The following JAKMIP2 variants were observed in gnomAD, a reference collection of about 807,000 sequenced individuals.
JAKMIP2 encodes janus kinase and microtubule interacting protein 2.
In JAKMIP2, 25 loss-of-function variants were observed where a neutral mutation model predicts 115.0. The ratio of observed to expected loss-of-function variants is 0.22; its 90% CI spans 0.16 to 0.30. The LOEUF is 0.30. JAKMIP2 is among the 10% of genes least tolerant of loss of function. The probability of loss-of-function intolerance (pLI) is 1.00; values close to 1 mark genes in which losing one functional copy is unlikely to be tolerated. For synonymous variants in JAKMIP2, 334 were observed against 343.6 expected (o/e 0.97, Z 0.31); for missense variants, 642 against 957.6 (o/e 0.67, Z 4.35).
At chr5:147,740,137 C>G (rs1754090370) in intron 1 of JAKMIP2, among the ~76,000 whole-genome samples, 1 of 152,234 alleles carries the variant, frequency 6.6e-6, no homozygotes, top group Non-Finnish European at 1.5e-5. Flanking sequence ...AGTCACACTT[C>G]TAACCTGCCA....
chr5:147,690,857 C>A, intron 1 of JAKMIP2, among the ~76,000 whole-genome samples: 1 of 151,990 alleles, frequency 6.6e-6, no homozygotes, highest in Non-Finnish European at 1.5e-5. Flanking sequence ...AAATTATATA[C>A]CTGGATCTGT....
At chr5:147,751,158 G>A (rs1211386997) in intron 1 of JAKMIP2, among the ~76,000 whole-genome samples, 3 of 151,060 alleles carry the variant, frequency 2.0e-5, no homozygotes, top group Admixed American at 1.3e-4. Context: ...TACAAGCTCC[G>A]CCTACCGGAT....
In JAKMIP2 at chr5:147,652,312, T is replaced by A. The variant is rs537464974; in HGVS notation, c.628-1765A>T. On this transcript the variant is annotated intron_variant, in intron 3 of 21. Coordinates refer to ENST00000616793, the MANE Select transcript of JAKMIP2 (RefSeq NM_001270941.2). The stretch of plus-strand genomic sequence containing the variant: ...CTGTTAGGTACTATGCTATACTGGC[T>A]TTAAGATTATTCATATACTTTAAGC... Among the ~76,000 whole-genome samples the A allele has an allele frequency of 3.9e-5, 6 of 152,306 alleles. No individual in the cohort carries two copies. In the South Asian group the frequency reaches 8.3e-4, roughly 21 times the overall value.
intron 1 of JAKMIP2, among the ~76,000 whole-genome samples, chr5:147,718,762 C>T (rs1753128318): frequency 6.6e-6 from 1 of 152,042 alleles, no homozygotes; most frequent in African/African-American, 2.4e-5. Context: ...GTCTTGCTAG[C>T]AGTCTATCAA....
chr5:147,612,451 G>T, intron 19 of JAKMIP2, 80 bp from the exon 20 acceptor site: 1 of 784,074 alleles, frequency 1.3e-6, no homozygotes, highest in Non-Finnish European at 2.1e-6. Context: ...ATGAAAACAC[G>T]AAACTTCCTA....
At chr5:147,634,518 A>G (rs890625956) in intron 12 of JAKMIP2, among the ~76,000 whole-genome samples, 1 of 152,206 alleles carries the variant, frequency 6.6e-6, no homozygotes, top group African/African-American at 2.4e-5. Context: ...TCTACTTCCT[A>G]GAATCTTCTA....
intron 1 of JAKMIP2, among the ~76,000 whole-genome samples, chr5:147,719,181 G>A (rs1228412313): frequency 4.6e-5 from 6 of 131,258 alleles, no homozygotes. Flanking sequence ...TTAATCCTGA[G>A]TTCTAGTTTG....
intron 3 of JAKMIP2, among the ~76,000 whole-genome samples, chr5:147,656,844 T>TAAA (rs1297329096): frequency 6.6e-6 from 1 of 152,212 alleles, no homozygotes; most frequent in East Asian, 1.9e-4. Flanking sequence ...TTTCTATATT[T>TAAA]AGTGCTTCCT....
chr5:147,594,535 T>C, intron 21 of JAKMIP2: 1 of 397,172 alleles, frequency 2.5e-6, no homozygotes, highest in Non-Finnish European at 5.3e-6. Flanking sequence ...GATTTCACCA[T>C]GTTTCCCAGG....
At chr5:147,742,155 A>ATATATATATATATATAT in intron 1 of JAKMIP2, among the ~76,000 whole-genome samples, 16 of 108,892 alleles carry the variant, frequency 1.5e-4, no homozygotes, top group African/African-American at 6.1e-4. Context: ...ATATATATAT[A>ATATATATATATATATAT]TTTTTTTTAC....
intron 12 of JAKMIP2, 50 bp from the exon 13 acceptor site, chr5:147,632,828 A>G (rs751357807): frequency 1.7e-6 from 2 of 1,182,176 alleles, no homozygotes; most frequent in South Asian, 1.3e-5. Context: ...AAGCACCTAC[A>G]ACTTTGCAAA....
intron 1 of JAKMIP2, among the ~76,000 whole-genome samples, chr5:147,693,316 T>A (rs1426657282): frequency 6.6e-6 from 1 of 152,210 alleles, no homozygotes; most frequent in Admixed American, 6.5e-5. Flanking sequence ...TCTAATAAAC[T>A]AATACTGTTC....
chr5:147,669,310 G>A (rs1038658560), intron 2 of JAKMIP2, among the ~76,000 whole-genome samples: 1 of 152,166 alleles, frequency 6.6e-6, no homozygotes, highest in Non-Finnish European at 1.5e-5. Context: ...CCAAGGAGAG[G>A]GAGCCAGGCA....
At chr5:147,744,846 TC>T (rs1215143198) in intron 1 of JAKMIP2, among the ~76,000 whole-genome samples, 1 of 151,864 alleles carries the variant, frequency 6.6e-6, no homozygotes, top group Non-Finnish European at 1.5e-5. Flanking sequence ...GATCATGAGG[TC>T]AAGAGATTGA....
chr5:147,702,636 GAAAGAAAGAAAGAA>G (rs1561547517), intron 1 of JAKMIP2, among the ~76,000 whole-genome samples: 1 of 122,778 alleles, frequency 8.1e-6, no homozygotes, highest in Non-Finnish European at 1.6e-5. Context: ...AAGAAAGAAA[GAAAGAAAGAAAGAA>G]AGAAAGAAAG....
intron 20 of JAKMIP2, among the ~76,000 whole-genome samples, chr5:147,608,136 AT>A (rs1383121858): frequency 1.3e-5 from 2 of 152,106 alleles, no homozygotes; most frequent in African/African-American, 4.8e-5. Flanking sequence ...TCCTGGATTC[AT>A]TGATTTTTTG....
At chr5:147,619,383 A>C (rs1756742786) in intron 18 of JAKMIP2, among the ~76,000 whole-genome samples, 1 of 152,236 alleles carries the variant, frequency 6.6e-6, no homozygotes, top group Non-Finnish European at 1.5e-5. Flanking sequence ...TCAAATACCC[A>C]TTCTCTTCTT....
Position 147,661,518 on chromosome 5 carries a change from C to T in JAKMIP2, c.130-73G>A, listed in dbSNP as rs555262625. 38 of 1,456,072 alleles carry T rather than the reference C, an allele frequency of 2.6e-5. No individual in the cohort carries two copies. The African/African-American group carries it at 5.2e-4, about 20-fold the overall frequency. 90.2% of individuals were successfully genotyped at this position (1,456,072 alleles called of 1,614,324 possible). ...CGGGTGTGCTCCTAGGCAGGATTTG[C>T]AGCTCAGGCCGCTGTGATCTCTTAA... On this transcript the variant is annotated intron_variant, in intron 2 of 21. Transcript: ENST00000616793.
intron 3 of JAKMIP2, among the ~76,000 whole-genome samples, chr5:147,658,211 C>T (rs969859065): frequency 1.3e-5 from 2 of 152,096 alleles, no homozygotes; most frequent in African/African-American, 2.4e-5. Context: ...GTTGTTGTTG[C>T]TGCTTTTTTA....
Sources: allele counts gnomAD v4.1 joint callset (sites outside exome capture counted in the v4.1 genomes callset), GRCh38; gene constraint gnomAD v4.1.1; transcripts MANE v1.5; gene names NCBI Gene and HGNC (gene_info 2026-07-23, HGNC 2026-07-21).